Variants in CD38 observed in about 807,000 individuals in gnomAD.
The protein encoded by CD38 is ADP-ribosyl cyclase/cyclic ADP-ribose hydrolase 1.
Under a neutral mutation model 36.3 loss-of-function variants are expected in CD38, and 31 were observed. That is an observed-to-expected ratio of 0.85 (90% confidence interval 0.64 to 1.15). The LOEUF (loss-of-function observed/expected upper bound fraction) is 1.15, where lower values mean the gene tolerates loss of function less well. Among genes scored for constraint, CD38 ranks in the 50% most tolerant of loss-of-function variants. CD38 has a pLI of 0.00. For synonymous variants in CD38, 131 were observed against 135.2 expected (o/e 0.97, Z 0.22); for missense variants, 380 against 371.9 (o/e 1.02, Z -0.18).
At chr4:15,781,906 T>C (rs910727673) in intron 1 of CD38, among the ~76,000 whole-genome samples, 2 of 152,224 alleles carry the variant, frequency 1.3e-5, no homozygotes, top group Admixed American at 1.3e-4. Flanking sequence ...AATCATTTAT[T>C]GTCTGCCATG....
At chr4:15,813,972 G>A (rs1174707919) in intron 1 of CD38, among the ~76,000 whole-genome samples, 1 of 152,188 alleles carries the variant, frequency 6.6e-6, no homozygotes, top group East Asian at 1.9e-4. Context: ...CCAGTAATGG[G>A]ATTGCTGGGT....
At chr4:15,839,770 G>A (rs1189380580) in intron 5 of CD38, among the ~76,000 whole-genome samples, 2 of 152,056 alleles carry the variant, frequency 1.3e-5, no homozygotes, top group African/African-American at 2.4e-5. Context: ...CATTAGGTTG[G>A]TCTAAGGACC....
chr4:15,795,661 C>T (rs1723090777), intron 1 of CD38, among the ~76,000 whole-genome samples: 8 of 152,058 alleles, frequency 5.3e-5, no homozygotes, highest in Admixed American at 5.2e-4. Context: ...CTTAAGTGGA[C>T]GGCCTCAGCA....
rs767080865 is a variant in CD38 at position 15,848,552 on chromosome 4, C to T, written c.853C>T (p.Leu285Phe). ...CKNIYRPDKFLQCVKNPEDSS... is the reference protein window; with the variant it reads ...CKNIYRPDKFFQCVKNPEDSS... The stretch of plus-strand genomic sequence containing the variant: ...TTCTTGTCATAGACCTGACAAGTTT[C>T]TTCAGTGTGTGAAAAATCCTGAGGA... Residue 285 changes from leucine to phenylalanine, a missense_variant, in exon 8 of 8, where the codon CTT becomes TTT. Leu to Phe is a conservative substitution (Grantham distance 22, BLOSUM62 0). Coordinates refer to ENST00000226279, the MANE Select transcript of CD38 (RefSeq NM_001775.4). 1.3e-5 allele frequency: 21 copies of T among 1,613,650 alleles called. No homozygotes were observed. The highest frequency in any genetic ancestry group is 1.8e-5 in the Non-Finnish European group (21 of 1,179,640).
intron 1 of CD38, among the ~76,000 whole-genome samples, chr4:15,783,144 T>C (rs1235580661): frequency 1.3e-5 from 2 of 152,140 alleles, no homozygotes; most frequent in Non-Finnish European, 2.9e-5. Flanking sequence ...GAAATACACA[T>C]GGCCAAGACT....
chr4:15,835,257 C>T (rs945326559), intron 4 of CD38, among the ~76,000 whole-genome samples: 8 of 151,740 alleles, frequency 5.3e-5, no homozygotes, highest in African/African-American at 1.9e-4. Context: ...ATTTTAGCTT[C>T]CATATATGAG....
chr4:15,808,665 T>C (rs755388437), intron 1 of CD38, among the ~76,000 whole-genome samples: 4 of 152,180 alleles, frequency 2.6e-5, no homozygotes, highest in Non-Finnish European at 5.9e-5. Flanking sequence ...CAGAGAAGCA[T>C]TGAAGATGCC....
chr4:15,790,143 CTCCCTCTCCCT>C, intron 1 of CD38, among the ~76,000 whole-genome samples: 1 of 41,420 alleles, frequency 2.4e-5, no homozygotes, highest in African/African-American at 5.4e-4. Flanking sequence ...CCCTCTCCCT[CTCCCTCTCCCT>C]CTCCCCCTCT....
chr4:15,822,936 A>G (rs985169332), intron 2 of CD38, among the ~76,000 whole-genome samples: 1 of 152,210 alleles, frequency 6.6e-6, no homozygotes, highest in African/African-American at 2.4e-5. Flanking sequence ...AAACTGCACT[A>G]CAAGGCTACA....
At chr4:15,837,961 G>C (rs947413082) in intron 4 of CD38, 131 bp from the exon 5 acceptor site, 2 of 693,744 alleles carry the variant, frequency 2.9e-6, no homozygotes, top group African/African-American at 3.6e-5. Flanking sequence ...GTGTAGACCT[G>C]ACATTCCTGG....
At chr4:15,821,693 CCAA>C (rs1723738880) in intron 2 of CD38, among the ~76,000 whole-genome samples, 3 of 106,706 alleles carry the variant, frequency 2.8e-5, no homozygotes, top group African/African-American at 1.4e-4. Context: ...TAAATACCAA[CCAA>C]AAAAAAAAAA....
intron 1 of CD38, among the ~76,000 whole-genome samples, chr4:15,797,328 C>G (rs185242257): frequency 5.3e-5 from 8 of 152,254 alleles, no homozygotes; most frequent in Admixed American, 2.0e-4. Flanking sequence ...ATATAGTATC[C>G]TATTGAATGA....
chr4:15,781,469 T>C (rs1413281857), intron 1 of CD38, among the ~76,000 whole-genome samples: 1 of 152,236 alleles, frequency 6.6e-6, no homozygotes, highest in Non-Finnish European at 1.5e-5. Context: ...GCTTATATCA[T>C]TGTGAAGTCG....
intron 2 of CD38, among the ~76,000 whole-genome samples, chr4:15,823,641 A>G (rs1410723292): frequency 6.6e-6 from 1 of 152,192 alleles, no homozygotes; most frequent in Non-Finnish European, 1.5e-5. Context: ...TCAGAATGGC[A>G]TTATTAAAAA....
intron 1 of CD38, among the ~76,000 whole-genome samples, chr4:15,812,395 C>T (rs978339693): frequency 1.3e-5 from 2 of 152,148 alleles, no homozygotes; most frequent in African/African-American, 4.8e-5. Flanking sequence ...ATACTGTCAT[C>T]TTAACAATAT....
At chr4:15,799,679 A>C (rs1723175929) in intron 1 of CD38, among the ~76,000 whole-genome samples, 1 of 152,208 alleles carries the variant, frequency 6.6e-6, no homozygotes, top group African/African-American at 2.4e-5. Context: ...CAATGAATAG[A>C]GGTTCTATGA....
Position 15,797,927 on chromosome 4 carries a change from G to T in CD38, c.234-18584G>T, listed in dbSNP as rs4611930. On this transcript the variant is annotated intron_variant, in intron 1 of 7. Coordinates refer to ENST00000226279, the MANE Select transcript of CD38 (RefSeq NM_001775.4). ...TTTCCAAATAAGGTCATTTTCTGAG[G>T]TACTGGGTGTTAGGATTTCAACATC... Among the ~76,000 whole-genome samples the T allele has an allele frequency of 7.2e-3, 1,099 of 152,196 alleles. 17 individuals carry two copies. The highest frequency in any genetic ancestry group is 0.025 in the African/African-American group (1,040 of 41,522).
intron 1 of CD38, among the ~76,000 whole-genome samples, chr4:15,780,215 C>A (rs1399945986): frequency 6.6e-6 from 1 of 152,104 alleles, no homozygotes; most frequent in Non-Finnish European, 1.5e-5. Flanking sequence ...TTTCCAAATT[C>A]CAGGTATTCC....
intron 1 of CD38, among the ~76,000 whole-genome samples, chr4:15,791,058 C>G (rs1361640826): frequency 7.6e-6 from 1 of 132,176 alleles, no homozygotes; most frequent in Non-Finnish European, 1.6e-5. Context: ...GGGGGGTCAG[C>G]CCCCCGCCCG....
Sources: gnomAD v4.1 joint callset for allele counts (sites outside exome capture counted in the v4.1 genomes callset) on GRCh38, gnomAD v4.1.1 for gene constraint, MANE v1.5 for transcripts, NCBI Gene and HGNC (gene_info 2026-07-23, HGNC 2026-07-21) for gene names.